Variants in COL4A2 observed in about 807,000 individuals in gnomAD.
The protein encoded by COL4A2 is collagen type IV alpha 2 chain.
In COL4A2, 99 loss-of-function variants were observed where a neutral mutation model predicts 200.2. The observed-to-expected ratio is 0.49, with a 90% CI of 0.42 to 0.58. The LOEUF is 0.58. Ranked by LOEUF, COL4A2 falls within the 20% of genes least tolerant of loss-of-function variation. The probability of loss-of-function intolerance (pLI) is 0.00; values close to 1 mark genes in which losing one functional copy is unlikely to be tolerated. For synonymous variants in COL4A2, 897 were observed against 900.6 expected, an observed-to-expected ratio of 1.00 and a Z score of 0.07; for missense variants, 1,950 against 2,314.1, an observed-to-expected ratio of 0.84 and a Z score of 3.23.
chr13:110,325,822 C>T lies in COL4A2; in HGVS notation c.99+17699C>T, dbSNP rs535341938. Reference sequence around the variant, plus strand: ...TTTTTTAGACGGAGTCTCACTCTGTCGCCCAGGCTGGAGTGCAGTGTTGAG... The same window carrying T: ...TTTTTTAGACGGAGTCTCACTCTGTTGCCCAGGCTGGAGTGCAGTGTTGAG... On this transcript the variant is annotated intron_variant, in intron 3 of 47. Transcript: ENST00000360467. Among the ~76,000 whole-genome samples the T allele has an allele frequency of 7.4e-4, 113 of 151,684 alleles. 1 individual carries two copies. Among genetic ancestry groups the T allele is most frequent in the African/African-American group, 2.6e-3 (108 of 41,316 alleles).
intron 4 of COL4A2, among the ~76,000 whole-genome samples, chr13:110,375,302 G>A (rs1026187062): frequency 6.6e-6 from 1 of 152,206 alleles, no homozygotes; most frequent in South Asian, 2.1e-4. Flanking sequence ...CCAATGTGGC[G>A]ATGGTATTGA....
intron 40 of COL4A2, among the ~76,000 whole-genome samples, chr13:110,497,329 G>C (rs913723037): frequency 1.8e-4 from 28 of 151,772 alleles, no homozygotes; most frequent in African/African-American, 6.5e-4. Flanking sequence ...GAGGATCTAG[G>C]TCAGTACACC....
intron 28 of COL4A2, among the ~76,000 whole-genome samples, chr13:110,472,264 C>CT (rs1411079767): frequency 1.4e-4 from 20 of 146,798 alleles, no homozygotes; most frequent in Admixed American, 7.5e-4. Flanking sequence ...TACAGGCATC[C>CT]GCCACCACAC....
At chr13:110,466,864 T>C (rs1376351673) in intron 26 of COL4A2, among the ~76,000 whole-genome samples, 176 bp from the exon 27 acceptor site, 2 of 152,178 alleles carry the variant, frequency 1.3e-5, no homozygotes, top group African/African-American at 4.8e-5. Context: ...CATTACACAA[T>C]GAAATTAAAC....
At chr13:110,373,644 A>G (rs998766496) in intron 4 of COL4A2, among the ~76,000 whole-genome samples, 1 of 152,234 alleles carries the variant, frequency 6.6e-6, no homozygotes, top group African/African-American at 2.4e-5. Context: ...CTGCTTACAC[A>G]TGCTTGGTTG....
intron 29 of COL4A2, among the ~76,000 whole-genome samples, chr13:110,474,681 A>ACT (rs1882615304): frequency 6.9e-6 from 1 of 144,688 alleles, no homozygotes; most frequent in Admixed American, 6.9e-5. Context: ...CTCCTTACAC[A>ACT]CGTACCCACA....
chr13:110,311,374 G>A (rs564764637), intron 3 of COL4A2, among the ~76,000 whole-genome samples: 11 of 152,208 alleles, frequency 7.2e-5, no homozygotes, highest in Non-Finnish European at 1.3e-4. Context: ...ATGGCTTCGT[G>A]TAAGGCAGTG....
chr13:110,416,247 G>A (rs749016693), intron 4 of COL4A2, among the ~76,000 whole-genome samples: 8 of 152,164 alleles, frequency 5.3e-5, no homozygotes, highest in Admixed American at 1.3e-4. Context: ...ATACCCATTC[G>A]CGGCCTGACA....
At chr13:110,492,019 A>T in intron 37 of COL4A2, 51 bp from the exon 38 acceptor site, 1 of 1,494,540 alleles carries the variant, frequency 6.7e-7, no homozygotes, top group Non-Finnish European at 9.0e-7. Flanking sequence ...CTCACCACAC[A>T]GCGCCCAAGG....
intron 3 of COL4A2, among the ~76,000 whole-genome samples, chr13:110,335,335 G>A (rs558656282): frequency 6.6e-6 from 1 of 152,232 alleles, no homozygotes; most frequent in African/African-American, 2.4e-5. Flanking sequence ...GTTTTGAAAG[G>A]GACCCAGTGG....
chr13:110,393,984 T>G (rs941424517), intron 4 of COL4A2, among the ~76,000 whole-genome samples: 1 of 152,096 alleles, frequency 6.6e-6, no homozygotes, highest in Non-Finnish European at 1.5e-5. Context: ...CAGAATGAGG[T>G]GTTGGCCATA....
rs1051443914 is a variant in COL4A2 at position 110,493,378 on chromosome 13, G to A, written c.3634+96G>A. On this transcript the variant is annotated intron_variant, in intron 39 of 47. Transcript: ENST00000360467. ...CCCTCCAGACTTCAGGGAATGGAGGGTCTCAGAGAGCAGGGTGGGCTTCCT... is the reference window on the plus strand; with the variant it reads ...CCCTCCAGACTTCAGGGAATGGAGGATCTCAGAGAGCAGGGTGGGCTTCCT... The A allele has an allele frequency of 1.9e-5, 25 of 1,339,012 alleles. No individual in the cohort carries two copies. The African/African-American group carries it at 3.1e-4, about 16-fold the overall frequency. The allele number at this position is 1,339,012 out of a possible 1,614,324, so 82.9% of individuals were successfully genotyped here. A position where few individuals can be genotyped will look rare whatever the true frequency, so the allele number is the denominator to read the frequency against.
At chr13:110,460,059 T>A (rs1881963998) in intron 22 of COL4A2, among the ~76,000 whole-genome samples, 1 of 152,326 alleles carries the variant, frequency 6.6e-6, no homozygotes, top group South Asian at 2.1e-4. Flanking sequence ...TTTTTGTTGA[T>A]TTTTTAACTT....
At chr13:110,489,863 G>C in intron 36 of COL4A2, 78 bp downstream of exon 36, 4 of 1,462,226 alleles carry the variant, frequency 2.7e-6, no homozygotes, top group Non-Finnish European at 3.7e-6. Flanking sequence ...TTGCCAAACA[G>C]ATCAAATTCA....
chr13:110,382,096 G>A (rs888322398), intron 4 of COL4A2, among the ~76,000 whole-genome samples: 1 of 152,126 alleles, frequency 6.6e-6, no homozygotes, highest in African/African-American at 2.4e-5. Context: ...TCAGAAAATA[G>A]AAGTAGTTTA....
At chr13:110,430,857 C>T (rs779295178) in intron 10 of COL4A2, 15 of 706,800 alleles carry the variant, frequency 2.1e-5, no homozygotes, top group Admixed American at 3.5e-5. Context: ...GACTTGGTTC[C>T]GGCAGGGTGC....
chr13:110,426,260 GA>G, intron 6 of COL4A2, among the ~76,000 whole-genome samples: 1 of 152,278 alleles, frequency 6.6e-6, no homozygotes, highest in African/African-American at 2.4e-5. Context: ...TGACATTATG[GA>G]AAGCAATTGC....
intron 32 of COL4A2, among the ~76,000 whole-genome samples, chr13:110,483,582 A>C (rs994550189): frequency 6.6e-6 from 1 of 152,272 alleles, no homozygotes; most frequent in African/African-American, 2.4e-5. Context: ...GGGCTCTCAG[A>C]CATGGCGCGT....
Position 110,489,528 on chromosome 13 carries a change from T to G in COL4A2, c.3271+20T>G, listed in dbSNP as rs563837461. 2 of 1,613,842 alleles carry G rather than the reference T, an allele frequency of 1.2e-6. No homozygotes were observed. Among genetic ancestry groups the G allele is most frequent in the Non-Finnish European group, 1.7e-6 (2 of 1,179,852 alleles). ...ATTTCGGTGAGTGTTGCCCGTCCAGTGAAAACAGGGAGTCCACAATTCAGA... is the reference window on the plus strand; with the variant it reads ...ATTTCGGTGAGTGTTGCCCGTCCAGGGAAAACAGGGAGTCCACAATTCAGA... On this transcript the variant is annotated intron_variant, in intron 35 of 47. Coordinates refer to ENST00000360467, the MANE Select transcript of COL4A2 (RefSeq NM_001846.4).
Sources: gnomAD v4.1 joint callset for allele counts (sites outside exome capture counted in the v4.1 genomes callset) on GRCh38, gnomAD v4.1.1 for gene constraint, MANE v1.5 for transcripts, NCBI Gene and HGNC (gene_info 2026-07-23, HGNC 2026-07-21) for gene names.